The following ZNF529 variants were observed in gnomAD, a reference collection of about 807,000 sequenced individuals.
The protein encoded by ZNF529 is zinc finger protein 529.
Under a neutral mutation model 10.1 loss-of-function variants are expected in ZNF529, and 11 were observed. The ratio of observed to expected loss-of-function variants is 1.09; its 90% confidence interval spans 0.69 to 1.81. The LOEUF (loss-of-function observed/expected upper bound fraction) is 1.81. ZNF529 is among the 40% of genes most tolerant of loss of function. The pLI, the probability that ZNF529 is intolerant of heterozygous loss-of-function variation, is 0.00. For synonymous variants in ZNF529, 204 were observed against 215.7 expected (o/e 0.95, Z 0.47); for missense variants, 624 against 666.8 (o/e 0.94, Z 0.71).
chr19:36,602,012 C>A (rs933032078), intron 1 of ZNF529, among the ~76,000 whole-genome samples: 2 of 151,374 alleles, frequency 1.3e-5, no homozygotes, highest in Non-Finnish European at 2.9e-5. Flanking sequence ...TCCCAAAGTG[C>A]TGGGATTACA....
intron 2 of ZNF529, among the ~76,000 whole-genome samples, chr19:36,583,237 T>A (rs2036510003): frequency 6.6e-6 from 1 of 151,868 alleles, no homozygotes; most frequent in Non-Finnish European, 1.5e-5. Flanking sequence ...AAAAAAAAAA[T>A]TTAGAGACAG....
At chr19:36,556,009 T>C (rs77122130) in intron 3 of ZNF529, 95 bp downstream of exon 3, 3 of 1,288,566 alleles carry the variant, frequency 2.3e-6, no homozygotes, top group Non-Finnish European at 1.1e-6. Flanking sequence ...AGCGAAGAAG[T>C]ATGGGGTTGT....
intron 2 of ZNF529, among the ~76,000 whole-genome samples, chr19:36,558,704 G>A (rs1222791769): frequency 6.6e-6 from 1 of 151,984 alleles, no homozygotes; most frequent in Non-Finnish European, 1.5e-5. Flanking sequence ...ACATAGTAAA[G>A]CTCTTGACAT....
chr19:36,551,101 A>G (rs924001816), intron 4 of ZNF529, among the ~76,000 whole-genome samples: 7 of 152,224 alleles, frequency 4.6e-5, no homozygotes, highest in African/African-American at 1.4e-4. Flanking sequence ...TTTTGCCAGA[A>G]AGAAAAAAGT....
At chr19:36,599,523 T>C (rs2036891215) in intron 1 of ZNF529, among the ~76,000 whole-genome samples, 2 of 152,116 alleles carry the variant, frequency 1.3e-5, no homozygotes, top group South Asian at 2.1e-4. Flanking sequence ...CATGTGAATC[T>C]TTCTGAAAAA....
intron 2 of ZNF529, among the ~76,000 whole-genome samples, chr19:36,562,180 G>A (rs1422908349): frequency 6.6e-6 from 1 of 152,062 alleles, no homozygotes; most frequent in African/African-American, 2.4e-5. Flanking sequence ...GGAGGTTGCG[G>A]TGAGCCGAGA....
At chr19:36,600,473 TA>T (rs1369035484) in intron 1 of ZNF529, among the ~76,000 whole-genome samples, 23 of 152,330 alleles carry the variant, frequency 1.5e-4, no homozygotes, top group African/African-American at 5.5e-4. Flanking sequence ...TTCCATCTTA[TA>T]TTTTTTATAT....
chr19:36,566,195 G>C (rs1375015726), intron 2 of ZNF529, among the ~76,000 whole-genome samples: 3 of 152,178 alleles, frequency 2.0e-5, no homozygotes, highest in African/African-American at 4.8e-5. Context: ...ACTTTTCTGA[G>C]TTGTGTGAGT....
At chr19:36,561,538 T>C (rs1237116174) in intron 2 of ZNF529, among the ~76,000 whole-genome samples, 1 of 152,018 alleles carries the variant, frequency 6.6e-6, no homozygotes, top group South Asian at 2.1e-4. Context: ...ACGTGATGCC[T>C]TGGAGAGCCT....
intron 1 of ZNF529, among the ~76,000 whole-genome samples, chr19:36,572,909 GAACA>G (rs74174417): frequency 0.34 from 50,567 of 150,062 alleles, 8,989 homozygotes; most frequent in African/African-American, 0.47. Context: ...GGAAAAAAAC[GAACA>G]AACAAACAAA....
chr19:36,593,984 G>C (rs2036784094), intron 1 of ZNF529: 1 of 152,188 alleles, frequency 6.6e-6, no homozygotes, highest in Non-Finnish European at 1.5e-5. Flanking sequence ...GAGTCCAGCA[G>C]ACAGATGTAG....
Position 36,547,433 on chromosome 19 carries a change from A to T in ZNF529, c.1125T>A (p.Phe375Leu). 1 of 1,613,960 alleles carries T rather than the reference A, an allele frequency of 6.2e-7. No individual in the cohort carries two copies. The highest frequency in any genetic ancestry group is 8.5e-7 in the Non-Finnish European group (1 of 1,179,914). Reference sequence around the variant, plus strand: ...GACGAGCAAGTTCTCTACATACTCCAAAAGCCTTCCCACATTCCTTACATG... The same window carrying T: ...GACGAGCAAGTTCTCTACATACTCCTAAAGCCTTCCCACATTCCTTACATG... The part of the protein sequence containing the change: ...PYACKECGKA[F>L]GVCRELARHQ... Residue 375 changes from phenylalanine to leucine, a missense_variant, in exon 5 of 5, where the codon TTT becomes TTA. Transcript: ENST00000591340.
chr19:36,604,057 G>A (rs2036975515), intron 1 of ZNF529, among the ~76,000 whole-genome samples: 2 of 152,158 alleles, frequency 1.3e-5, no homozygotes, highest in African/African-American at 4.8e-5. Flanking sequence ...GTGCATGCCT[G>A]TAATCCCAGC....
intron 1 of ZNF529, among the ~76,000 whole-genome samples, chr19:36,591,826 A>G (rs1404957736): frequency 6.6e-6 from 1 of 152,210 alleles, no homozygotes; most frequent in African/African-American, 2.4e-5. Context: ...GGAACAAATA[A>G]TACCAATCTT....
At chr19:36,595,264 T>C (rs2036816560) in intron 1 of ZNF529, among the ~76,000 whole-genome samples, 1 of 152,148 alleles carries the variant, frequency 6.6e-6, no homozygotes, top group East Asian at 1.9e-4. Context: ...TGAAGAAGAG[T>C]GAATTTATGA....
In ZNF529 at chr19:36,547,450, C is replaced by G; in HGVS notation, c.1108G>C (p.Glu370Gln). ...HTGEKPYACKECGKAFGVCRE... is the reference protein window; with the variant it reads ...HTGEKPYACKQCGKAFGVCRE... ...CATACTCCAAAAGCCTTCCCACATTCCTTACATGCATAAGGTTTCTCACCA... is the reference window on the plus strand; with the variant it reads ...CATACTCCAAAAGCCTTCCCACATTGCTTACATGCATAAGGTTTCTCACCA... Residue 370 changes from glutamate (E) to glutamine (Q), a missense_variant, in exon 5 of 5, where the codon GAA (glutamate) becomes CAA (glutamine). Transcript: ENST00000591340. 6.2e-7 allele frequency: 1 copy of G among 1,613,972 alleles called. No individual in the cohort carries two copies. Among genetic ancestry groups the G allele is most frequent in the Non-Finnish European group, 8.5e-7 (1 of 1,179,924 alleles).
chr19:36,548,032 A>G lies in ZNF529; in HGVS notation c.526T>C (p.Tyr176His). 2 of 1,613,882 alleles carry G rather than the reference A, an allele frequency of 1.2e-6. No individual in the cohort carries two copies. Among genetic ancestry groups the G allele is most frequent in the Non-Finnish European group, 1.7e-6 (2 of 1,179,874 alleles). ...AAGTCACAACTGAAGACCTTCTCAT[A>G]TTCCTTGTATTCATAGGGCTTCTCA... is the stretch of plus-strand genomic sequence containing the variant. ...DSEKPYEYKE[Y>H]EKVFSCDLEF... Residue 176 changes from tyrosine (Y) to histidine (H), a missense_variant, in exon 5 of 5, where the codon TAT (tyrosine) becomes CAT (histidine). Transcript: ENST00000591340.
At position 36,557,410 on chromosome 19, in the gene ZNF529, T is replaced by TCA. The variant is rs556109828; in HGVS notation, c.15-1215_15-1214dup. Among the ~76,000 whole-genome samples the TCA allele has an allele frequency of 2.1e-3, 313 of 152,234 alleles. 1 individual carries two copies. Among genetic ancestry groups the TCA allele is most frequent in the African/African-American group, 7.4e-3 (307 of 41,538 alleles). ...ACAGTTCTGCATGGCTGGGGAGGCC[T>TCA]CAGGAAACTTACAATCATGGCAGAC... On this transcript the variant is annotated intron_variant, in intron 2 of 4. Transcript: ENST00000591340.
upstream of ZNF529, chr19:36,573,413 A>G (rs1431999927): frequency 2.1e-6 from 1 of 468,496 alleles, no homozygotes; most frequent in Admixed American, 2.4e-5. Context: ...CAGGGGCCGC[A>G]CCACGCCCCA....
Sources: gnomAD v4.1 joint callset for allele counts (sites outside exome capture counted in the v4.1 genomes callset) on GRCh38, gnomAD v4.1.1 for gene constraint, MANE v1.5 for transcripts, NCBI Gene and HGNC (gene_info 2026-07-23, HGNC 2026-07-21) for gene names.